INO80: variants seen among roughly 807,000 people sequenced by gnomAD.
INO80 encodes INO80 complex ATPase subunit, also known as chromatin-remodeling ATPase INO80.
INO80 carries 20 observed loss-of-function variants against 203.4 expected under a neutral mutation model. The observed-to-expected ratio is 0.10, with a 90% confidence interval of 0.07 to 0.14. The LOEUF is 0.14. Ranked by LOEUF, INO80 falls within the 10% of genes least tolerant of loss-of-function variation. The pLI is 1.00. For synonymous variants in INO80, 726 were observed against 685.2 expected (o/e 1.06, Z -0.93); for missense variants, 1,419 against 1,914.4 (o/e 0.74, Z 4.83).
At chr15:41,023,768 C>CAAAAAAAAAAAAAAAAAAAAAAAAAA (rs139814568) in intron 25 of INO80, among the ~76,000 whole-genome samples, 1 of 63,560 alleles carries the variant, frequency 1.6e-5, no homozygotes, top group Non-Finnish European at 2.5e-5. Flanking sequence ...GACTCTGTCT[C>CAAAAAAAAAAAAAAAAAAAAAAAAAA]AAAAAAAAAA....
At chr15:41,021,198 C>G in intron 25 of INO80, 73 bp from the exon 26 acceptor site, 1 of 1,012,290 alleles carries the variant, frequency 9.9e-7, no homozygotes, top group Non-Finnish European at 1.5e-6. Context: ...GGAACCTCAA[C>G]TTTGAAATCA....
intron 29 of INO80, among the ~76,000 whole-genome samples, chr15:40,989,179 CA>C (rs1260006877): frequency 1.3e-5 from 2 of 152,166 alleles, no homozygotes; most frequent in African/African-American, 2.4e-5. Context: ...AACTCTGTCA[CA>C]AAACAAAACA....
intron 28 of INO80, among the ~76,000 whole-genome samples, chr15:41,002,025 A>T (rs1050180414): frequency 6.6e-6 from 1 of 152,224 alleles, no homozygotes; most frequent in African/African-American, 2.4e-5. Context: ...CAGATTCTAC[A>T]CATGAGAAAT....
At chr15:41,043,361 C>T (rs900812082) in intron 24 of INO80, among the ~76,000 whole-genome samples, 1 of 152,052 alleles carries the variant, frequency 6.6e-6, no homozygotes, top group Non-Finnish European at 1.5e-5. Flanking sequence ...TCAGACATAC[C>T]AGTGTTCCCA....
Position 41,095,810 on chromosome 15 carries a change from C to G in INO80, c.262G>C (p.Gly88Arg), listed in dbSNP as rs1281200814. Reference protein sequence around the residue: ...NSLLGETSGAGSSGMLNTYSL... With the variant: ...NSLLGETSGARSSGMLNTYSL... Reference sequence around the variant, plus strand: ...TATGTGTTTAACATTCCAGAACTGCCTGCTCCAGAAGTTTCACCAAGCAAT... The same window carrying G: ...TATGTGTTTAACATTCCAGAACTGCGTGCTCCAGAAGTTTCACCAAGCAAT... Residue 88 changes from glycine to arginine, a missense_variant, in exon 3 of 36, where the codon GGC (glycine) becomes CGC (arginine). Gly to Arg is a moderately radical substitution (Grantham distance 125). Coordinates refer to ENST00000648947, the MANE Select transcript of INO80 (RefSeq NM_017553.3). 19 of 1,614,038 alleles carry G rather than the reference C, an allele frequency of 1.2e-5. No individual in the cohort carries two copies. The highest frequency in any genetic ancestry group is 1.6e-5 in the Non-Finnish European group (19 of 1,180,032).
chr15:41,031,754 C>T (rs1320843034), intron 24 of INO80, among the ~76,000 whole-genome samples: 3 of 151,864 alleles, frequency 2.0e-5, no homozygotes, highest in Admixed American at 2.0e-4. Flanking sequence ...CTCATTACCC[C>T]GGAAGCACTG....
intron 1 of INO80, among the ~76,000 whole-genome samples, 184 bp downstream of exon 1, chr15:41,115,783 GGCCCTA>G (rs2046025253): frequency 6.6e-6 from 1 of 152,202 alleles, no homozygotes; most frequent in South Asian, 2.1e-4. Flanking sequence ...GGAAGGACAA[GGCCCTA>G]GTCCCTGAGG....
chr15:41,020,916 A>G lies in INO80; in HGVS notation c.3258T>C (p.Ser1086=), dbSNP rs374598605. Residue 1086 remains serine (S), a synonymous_variant, in exon 26 of 36, where the codon TCT becomes TCC. Coordinates refer to ENST00000648947, the MANE Select transcript of INO80 (RefSeq NM_017553.3). ...LWSIRPQNGW[S]FIRIPGKESL... is the part of the protein sequence containing the mutation. ...AGAACTCACCTGGAATCCTGATGAA[A>G]GACCAGCCATTCTGAGGTCTGATGC... 3.7e-6 allele frequency: 6 copies of G among 1,611,774 alleles called. No individual in the cohort carries two copies. The East Asian group carries it at 1.3e-4, about 36-fold the overall frequency.
At chr15:41,045,916 T>C (rs1023732323) in intron 23 of INO80, among the ~76,000 whole-genome samples, 3 of 149,924 alleles carry the variant, frequency 2.0e-5, no homozygotes, top group Non-Finnish European at 4.4e-5. Context: ...AAAAAAAAAA[T>C]TCCTTCATAT....
rs201821590 is a variant in INO80, at chr15:41,000,727, A to G, written c.3498-3126T>C. 4.1e-3 allele frequency among the ~76,000 whole-genome samples: 613 copies of G among 150,192 alleles called. 10 individuals are homozygous for G. The East Asian group carries it at 0.061, about 15-fold the overall frequency. On this transcript the variant is annotated intron_variant, in intron 28 of 35. Coordinates refer to ENST00000648947, the MANE Select transcript of INO80 (RefSeq NM_017553.3). ...GTCTCAAAAAAAAAAAAAAAAAAAA[A>G]AAAGAAAGAAAAGAAAAGAGAAAGA... is the stretch of plus-strand genomic sequence containing the variant.
intron 17 of INO80, 60 bp from the exon 18 acceptor site, chr15:41,055,424 T>G: frequency 9.0e-7 from 1 of 1,116,988 alleles, no homozygotes; most frequent in South Asian, 1.4e-5. Flanking sequence ...CGTGTAAGGA[T>G]GTATTAGATA....
rs545690837 is a variant in INO80, at chr15:40,995,954, C to T, written c.3570+1575G>A. On this transcript the variant is annotated intron_variant, in intron 29 of 35. Coordinates refer to ENST00000648947, the MANE Select transcript of INO80 (RefSeq NM_017553.3). ...TGGCCCTCAGGCGCTGACGTCTTGC[C>T]GTACCTGGTTAACTGAAAGTTTAGA... 4.6e-5 allele frequency among the ~76,000 whole-genome samples: 7 copies of T among 152,210 alleles called. No individual in the cohort carries two copies. The South Asian group carries it at 1.2e-3, about 27-fold the overall frequency.
At chr15:41,115,147 G>C (rs1313650186) in intron 1 of INO80, among the ~76,000 whole-genome samples, 1 of 152,124 alleles carries the variant, frequency 6.6e-6, no homozygotes, top group African/African-American at 2.4e-5. Flanking sequence ...ACGTTAGCCA[G>C]GTCAACCTCC....
chr15:41,047,566 G>T, intron 22 of INO80, 65 bp from the exon 23 acceptor site: 1 of 1,093,756 alleles, frequency 9.1e-7, no homozygotes, highest in Non-Finnish European at 1.4e-6. Context: ...GTTAAAGCCT[G>T]CTCAACTGCT....
chr15:41,080,959 C>T, intron 8 of INO80, 61 bp downstream of exon 8: 1 of 1,098,282 alleles, frequency 9.1e-7, no homozygotes, highest in Admixed American at 1.8e-5. Context: ...AGATGGACCC[C>T]AAAGAAGAAG....
At chr15:41,111,627 AT>A (rs2045959945) in intron 1 of INO80, among the ~76,000 whole-genome samples, 1 of 151,690 alleles carries the variant, frequency 6.6e-6, no homozygotes, top group Admixed American at 6.6e-5. Flanking sequence ...ACATGGTGAA[AT>A]CCTGTCTCTA....
intron 24 of INO80, among the ~76,000 whole-genome samples, chr15:41,031,614 G>GA (rs145606508): frequency 0.18 from 810 of 4,392 alleles, 256 homozygotes; most frequent in Middle Eastern, 0.33. Context: ...AGGAAGGGAG[G>GA]AGGGAGGAAG....
Position 41,070,479 on chromosome 15 carries a change from G to A in INO80, c.1674C>T (p.Ala558=), listed in dbSNP as rs2045292362. 1.2e-6 allele frequency: 2 copies of A among 1,613,704 alleles called. No individual in the cohort carries two copies. Among genetic ancestry groups the A allele is most frequent in the African/African-American group, 1.3e-5 (1 of 74,884 alleles). The stretch of plus-strand genomic sequence containing the variant: ...TGCATCTACCCACCTCAGCCAGATG[G>A]GCCAGAAGGGCAATGCTCTGTACTG... ...GKTVQSIALL[A]HLAERENIWG... is the part of the protein sequence containing the mutation. The change falls in exon 13 of 36, where the codon GCC becomes GCT. Residue 558 remains alanine (A), a synonymous_variant. Coordinates refer to ENST00000648947, the MANE Select transcript of INO80 (RefSeq NM_017553.3).
In INO80 at chr15:41,021,015, C is replaced by T. The variant is rs1474185380; in HGVS notation, c.3159G>A (p.Gly1053=). The T allele has an allele frequency of 6.2e-6, 10 of 1,613,978 alleles. No individual in the cohort carries two copies. Among genetic ancestry groups the T allele is most frequent in the Non-Finnish European group, 8.5e-6 (10 of 1,179,970 alleles). ...SLAAKQCLLN[G]APELAADWLN... is the part of the protein sequence containing the mutation. ...GCCAGTCTGCAGCCAGTTCAGGGGC[C>T]CCATTCAACAAACACTGCTTGGCTG... is the stretch of plus-strand genomic sequence containing the variant. The change falls in exon 26 of 36, where the codon GGG becomes GGA. Residue 1053 remains glycine (G), a synonymous_variant. Transcript: ENST00000648947.
Sources: gnomAD v4.1 joint callset for allele counts (sites outside exome capture counted in the v4.1 genomes callset) on GRCh38, gnomAD v4.1.1 for gene constraint, MANE v1.5 for transcripts, NCBI Gene and HGNC (gene_info 2026-07-23, HGNC 2026-07-21) for gene names.